GUCY1A2: variants seen among roughly 807,000 people sequenced by gnomAD.
GUCY1A2 encodes guanylate cyclase soluble subunit alpha-2.
Under a neutral mutation model 63.5 loss-of-function variants are expected in GUCY1A2, and 27 were observed. That is an observed-to-expected ratio of 0.43 (90% CI 0.31 to 0.59). The LOEUF is 0.59. GUCY1A2 is among the 20% of genes least tolerant of loss of function. GUCY1A2 has a pLI of 0.11. For missense variants in GUCY1A2, 768 were observed against 913.3 expected (o/e 0.84, Z 2.05); for synonymous variants, 364 against 343.5 (o/e 1.06, Z -0.66).
intron 4 of GUCY1A2, among the ~76,000 whole-genome samples, chr11:106,909,755 G>A (rs1302587765): frequency 2.0e-5 from 3 of 151,822 alleles, no homozygotes; most frequent in Non-Finnish European, 4.4e-5. Flanking sequence ...CATTTACCCA[G>A]TTAAGGAAAT....
chr11:106,942,002 G>A (rs902901746), intron 3 of GUCY1A2, among the ~76,000 whole-genome samples: 2 of 152,146 alleles, frequency 1.3e-5, no homozygotes, highest in African/African-American at 4.8e-5. Flanking sequence ...TCTTCAACAT[G>A]TGTTGCATTC....
chr11:107,000,458 C>T (rs776994444), intron 1 of GUCY1A2, among the ~76,000 whole-genome samples: 2 of 152,150 alleles, frequency 1.3e-5, no homozygotes, highest in Non-Finnish European at 2.9e-5. Context: ...TACAACAATG[C>T]CTTTGGAGGC....
At chr11:106,879,213 T>C (rs1420986603) in intron 4 of GUCY1A2, among the ~76,000 whole-genome samples, 1 of 152,126 alleles carries the variant, frequency 6.6e-6, no homozygotes, top group African/African-American at 2.4e-5. Context: ...TACACACTTA[T>C]GCATGCTTTT....
intron 4 of GUCY1A2, among the ~76,000 whole-genome samples, chr11:106,889,177 C>T (rs77782398): frequency 0.015 from 2,294 of 152,192 alleles, 56 homozygotes; most frequent in African/African-American, 0.052. Context: ...AGGATAAAAA[C>T]GTACTTTAAC....
chr11:106,857,156 T>C (rs2135454719), intron 4 of GUCY1A2, among the ~76,000 whole-genome samples: 1 of 152,324 alleles, frequency 6.6e-6, no homozygotes, highest in South Asian at 2.1e-4. Flanking sequence ...ACAAACTGTA[T>C]GGCTTAAACA....
intron 3 of GUCY1A2, among the ~76,000 whole-genome samples, chr11:106,941,875 T>C (rs1860756189): frequency 6.6e-6 from 1 of 152,192 alleles, no homozygotes; most frequent in Non-Finnish European, 1.5e-5. Context: ...CCTTTATTAA[T>C]AAGCATTTCA....
intron 5 of GUCY1A2, among the ~76,000 whole-genome samples, chr11:106,781,534 A>G (rs1864463424): frequency 6.6e-6 from 1 of 152,102 alleles, no homozygotes; most frequent in East Asian, 1.9e-4. Flanking sequence ...AGGTGGTGTA[A>G]ATAAATATAT....
chr11:106,869,572 C>T (rs1467758092), intron 4 of GUCY1A2, among the ~76,000 whole-genome samples: 2 of 152,150 alleles, frequency 1.3e-5, no homozygotes, highest in Non-Finnish European at 2.9e-5. Flanking sequence ...CATCTTATGC[C>T]AGTTAGAATG....
At chr11:106,746,779 G>A (rs1863795506) in intron 6 of GUCY1A2, 3 of 526,504 alleles carry the variant, frequency 5.7e-6, no homozygotes, top group African/African-American at 3.9e-5. Flanking sequence ...GTTGACATTG[G>A]TGGTACAATA....
intron 3 of GUCY1A2, among the ~76,000 whole-genome samples, chr11:106,944,345 C>G (rs1860797429): frequency 6.6e-6 from 1 of 151,368 alleles, no homozygotes; most frequent in Non-Finnish European, 1.5e-5. Context: ...ACTCTGGAGG[C>G]TGAGGTGGGA....
intron 4 of GUCY1A2, among the ~76,000 whole-genome samples, chr11:106,847,758 A>T (rs981702484): frequency 6.6e-6 from 1 of 151,700 alleles, no homozygotes; most frequent in Non-Finnish European, 1.5e-5. Context: ...CAACATATGT[A>T]CTTATTTATT....
chr11:106,849,202 T>C (rs923589814), intron 4 of GUCY1A2, among the ~76,000 whole-genome samples: 2 of 151,548 alleles, frequency 1.3e-5, no homozygotes, highest in Non-Finnish European at 3.0e-5. Context: ...CATTATCTAC[T>C]ACCCAACTAG....
At chr11:106,705,397 C>T (rs1212207592) in intron 7 of GUCY1A2, among the ~76,000 whole-genome samples, 1 of 151,870 alleles carries the variant, frequency 6.6e-6, no homozygotes, top group Non-Finnish European at 1.5e-5. Flanking sequence ...TTGGAATTTC[C>T]AAAGAAAGAT....
At chr11:106,862,264 C>A (rs79318732) in intron 4 of GUCY1A2, among the ~76,000 whole-genome samples, 5,799 of 151,960 alleles carry the variant, frequency 0.038, 577 homozygotes, top group East Asian at 0.25. Context: ...TCCTAAGTTT[C>A]TCATTGGTAA....
intron 3 of GUCY1A2, among the ~76,000 whole-genome samples, chr11:106,975,766 A>G (rs10890629): frequency 6.6e-6 from 1 of 151,986 alleles, no homozygotes; most frequent in African/African-American, 2.4e-5. Flanking sequence ...CAGAGGCATG[A>G]AACACCTTGT....
At chr11:106,726,533 A>G (rs1863411220) in intron 6 of GUCY1A2, among the ~76,000 whole-genome samples, 1 of 152,220 alleles carries the variant, frequency 6.6e-6, no homozygotes, top group Admixed American at 6.5e-5. Context: ...TTAGAGTATT[A>G]ATATGGGCTA....
At chr11:106,921,009 T>C (rs1050260930) in intron 4 of GUCY1A2, among the ~76,000 whole-genome samples, 1 of 152,062 alleles carries the variant, frequency 6.6e-6, no homozygotes, top group Non-Finnish European at 1.5e-5. Context: ...TTATATTTTA[T>C]AATCAACTCA....
intron 6 of GUCY1A2, among the ~76,000 whole-genome samples, chr11:106,741,486 G>T (rs1591257244): frequency 8.1e-6 from 1 of 123,414 alleles, no homozygotes; most frequent in Middle Eastern, 4.2e-3. Flanking sequence ...GTGTATCAAA[G>T]GAGAAGGAAG....
chr11:106,989,067 G>A (rs1861438257), intron 1 of GUCY1A2, among the ~76,000 whole-genome samples: 1 of 152,122 alleles, frequency 6.6e-6, no homozygotes, highest in Non-Finnish European at 1.5e-5. Context: ...AGATCAGTGG[G>A]AACAACAAGG....
Sources: gnomAD v4.1 joint callset for allele counts (sites outside exome capture counted in the v4.1 genomes callset) on GRCh38, gnomAD v4.1.1 for gene constraint, MANE v1.5 for transcripts, NCBI Gene and HGNC (gene_info 2026-07-23, HGNC 2026-07-21) for gene names.